CA10: variants seen among roughly 807,000 people sequenced by gnomAD.
CA10 encodes carbonic anhydrase-related protein 10.
In CA10, 14 loss-of-function variants were observed where a neutral mutation model predicts 44.2. That is an observed-to-expected ratio of 0.32 (90% CI 0.21 to 0.50). CA10 has a LOEUF of 0.50. CA10 is among the 20% of genes least tolerant of loss of function. The pLI, the probability that CA10 is intolerant of heterozygous loss-of-function variation, is 0.99. For missense variants in CA10, 350 were observed against 409.7 expected (o/e 0.85, Z 1.26); for synonymous variants, 159 against 141.6 (o/e 1.12, Z -0.87).
intron 3 of CA10, among the ~76,000 whole-genome samples, chr17:51,861,842 C>T (rs907724929): frequency 1.3e-5 from 2 of 152,128 alleles, no homozygotes; most frequent in Non-Finnish European, 1.5e-5. Context: ...CTAGACACTT[C>T]AAAGGCTTAT....
chr17:51,856,173 A>G (rs902121628), intron 3 of CA10, among the ~76,000 whole-genome samples: 2 of 152,176 alleles, frequency 1.3e-5, no homozygotes, highest in Non-Finnish European at 2.9e-5. Context: ...CTATTTGCAG[A>G]AGGACTGACA....
Position 52,022,707 on chromosome 17 carries a change from C to T in CA10, c.136+49612G>A, listed in dbSNP as rs59493538. Among the ~76,000 whole-genome samples the T allele has an allele frequency of 5.5e-3, 838 of 152,078 alleles. 10 individuals are homozygous for T. The highest frequency in any genetic ancestry group is 0.019 in the African/African-American group (806 of 41,510). ...ATGACATGATTTTATATCTAGACAACCCTAAAGACTCCATTTAAAGGCTCC... is the reference window on the plus strand; with the variant it reads ...ATGACATGATTTTATATCTAGACAATCCTAAAGACTCCATTTAAAGGCTCC... On this transcript the variant is annotated intron_variant, in intron 2 of 8. Coordinates refer to ENST00000451037, the MANE Select transcript of CA10 (RefSeq NM_020178.5).
chr17:51,916,144 A>ATG lies in CA10; in HGVS notation c.279+14845_279+14846insCA, dbSNP rs386365006. On this transcript the variant is annotated intron_variant, in intron 3 of 8. Coordinates refer to ENST00000451037, the MANE Select transcript of CA10 (RefSeq NM_020178.5). Reference sequence around the variant, plus strand: ...TGTTGCATGCTACGCTGCTGGAAACAGTGTCATTGGCCAGAAGCTGGTTGC... The same window carrying ATG: ...TGTTGCATGCTACGCTGCTGGAAACATGGTGTCATTGGCCAGAAGCTGGTTGC... 1.5e-4 allele frequency among the ~76,000 whole-genome samples: 22 copies of ATG among 151,686 alleles called. No homozygotes were observed. The South Asian group carries it at 4.4e-3, about 30-fold the overall frequency.
intron 1 of CA10, among the ~76,000 whole-genome samples, chr17:52,108,776 G>A (rs1351305981): frequency 2.0e-5 from 3 of 149,180 alleles, no homozygotes; most frequent in Admixed American, 6.7e-5. Flanking sequence ...GTGGGAGGGC[G>A]CAAGGGATAA....
At position 51,630,593 on chromosome 17, in the gene CA10, G is replaced by A. The variant is rs1330354924; in HGVS notation, c.*991C>T. On this transcript the variant is annotated 3_prime_UTR_variant, in exon 9 of 9. Transcript: ENST00000451037. The stretch of plus-strand genomic sequence containing the variant: ...CATGTGAATGATTGAGCCATGGAGT[G>A]GAATTAAAGTCATACTTGCTTAGCA... 1 of 152,582 alleles carries A rather than the reference G, an allele frequency of 6.6e-6. No individual in the cohort carries two copies. The highest frequency in any genetic ancestry group is 1.5e-5 in the Non-Finnish European group (1 of 68,038). The allele number at this position is 152,582 out of a possible 1,614,324, so 9.5% of individuals were successfully genotyped here.
chr17:51,798,340 T>A (rs1007770971), intron 3 of CA10, among the ~76,000 whole-genome samples: 86 of 152,254 alleles, frequency 5.6e-4, no homozygotes, highest in African/African-American at 2.0e-3. Context: ...AATACTGTTG[T>A]GCATGTGCAT....
intron 3 of CA10, among the ~76,000 whole-genome samples, chr17:51,881,474 T>C (rs1386213684): frequency 6.6e-6 from 1 of 152,030 alleles, no homozygotes; most frequent in Admixed American, 6.5e-5. Context: ...AAAGTCACTA[T>C]AAACACATTC....
intron 2 of CA10, among the ~76,000 whole-genome samples, chr17:51,935,166 A>AC (rs1374849492): frequency 6.6e-6 from 1 of 152,152 alleles, no homozygotes; most frequent in African/African-American, 2.4e-5. Context: ...CACCCGTGTC[A>AC]CCTTTTGGAG....
intron 3 of CA10, among the ~76,000 whole-genome samples, chr17:51,779,741 C>G (rs2075457): frequency 0.32 from 48,736 of 152,092 alleles, 9,538 homozygotes; most frequent in East Asian, 0.51. Flanking sequence ...TGGCCCCAAT[C>G]TAGGTGATTC....
intron 2 of CA10, among the ~76,000 whole-genome samples, chr17:51,981,970 A>G (rs1426398227): frequency 6.6e-6 from 1 of 152,076 alleles, no homozygotes; most frequent in Non-Finnish European, 1.5e-5. Flanking sequence ...ATGATGTAAT[A>G]TATGAGGGTA....
At position 51,760,130 on chromosome 17, in the gene CA10, G is replaced by A. The variant is rs545414189; in HGVS notation, c.280-12312C>T. The stretch of plus-strand genomic sequence containing the variant: ...TTTTAAGGGGTGCCTGTGGAACACA[G>A]TGGCACACAGGACACTGGCAGGGTC... On this transcript the variant is annotated intron_variant, in intron 3 of 8. Transcript: ENST00000451037. 3.3e-5 allele frequency among the ~76,000 whole-genome samples: 5 copies of A among 152,344 alleles called. No individual in the cohort carries two copies. The East Asian group carries it at 9.7e-4, about 29-fold the overall frequency.
intron 3 of CA10, among the ~76,000 whole-genome samples, chr17:51,902,493 A>C (rs1225165317): frequency 1.3e-5 from 2 of 152,142 alleles, no homozygotes; most frequent in Non-Finnish European, 2.9e-5. Context: ...TGTTACAGAA[A>C]ATGAGGGGCA....
At chr17:51,860,604 G>C (rs1170053750) in intron 3 of CA10, among the ~76,000 whole-genome samples, 1 of 152,128 alleles carries the variant, frequency 6.6e-6, no homozygotes, top group African/African-American at 2.4e-5. Flanking sequence ...TTTTCCTTAA[G>C]TTAGGTTTTC....
chr17:51,739,046 CACTTGGAGTAG>C (rs1904355988), intron 4 of CA10, among the ~76,000 whole-genome samples: 1 of 152,076 alleles, frequency 6.6e-6, no homozygotes, highest in Non-Finnish European at 1.5e-5. Context: ...TTTAGATGGA[CACTTGGAGTAG>C]ACTTGTCCTT....
chr17:52,064,560 A>G (rs1171727570), intron 2 of CA10, among the ~76,000 whole-genome samples: 2 of 51,620 alleles, frequency 3.9e-5, no homozygotes, highest in Non-Finnish European at 7.5e-5. Flanking sequence ...CCTGTTAATC[A>G]TGAGACTTTT....
chr17:51,816,932 C>T (rs1907584142), intron 3 of CA10, among the ~76,000 whole-genome samples: 1 of 152,164 alleles, frequency 6.6e-6, no homozygotes, highest in Non-Finnish European at 1.5e-5. Flanking sequence ...CCACCAAAGT[C>T]CTGTCATCCC....
chr17:51,937,290 C>T lies in CA10; in HGVS notation c.137-6158G>A, dbSNP rs1008715490. ...TCTTTTCCTCACCAATCCTGATTTACTGTCTCTTCCTCTCTTCTCAACTGT... is the reference window on the plus strand; with the variant it reads ...TCTTTTCCTCACCAATCCTGATTTATTGTCTCTTCCTCTCTTCTCAACTGT... On this transcript the variant is annotated intron_variant, in intron 2 of 8. Transcript: ENST00000451037. 3.3e-5 allele frequency among the ~76,000 whole-genome samples: 5 copies of T among 152,160 alleles called. No individual in the cohort carries two copies. In the South Asian group the frequency reaches 6.2e-4, roughly 19 times the overall value.
At chr17:52,081,632 C>T (rs1475876839) in intron 1 of CA10, among the ~76,000 whole-genome samples, 1 of 151,898 alleles carries the variant, frequency 6.6e-6, no homozygotes. Context: ...AACCCCGTCT[C>T]TACTAAAAAT....
chr17:52,056,113 G>A (rs187811061), intron 2 of CA10, among the ~76,000 whole-genome samples: 33 of 152,146 alleles, frequency 2.2e-4, no homozygotes, highest in Admixed American at 5.9e-4. Context: ...CCTTTTAGGA[G>A]GTGACATGAG....
Sources: gnomAD v4.1 joint callset for allele counts (sites outside exome capture counted in the v4.1 genomes callset) on GRCh38, gnomAD v4.1.1 for gene constraint, MANE v1.5 for transcripts, NCBI Gene and HGNC (gene_info 2026-07-23, HGNC 2026-07-21) for gene names.